The following TEKTIP1 variants were observed in gnomAD, a reference collection of about 807,000 sequenced individuals.
TEKTIP1 encodes tektin bundle interacting protein 1.
At chr19:3,543,453 G>C in the TEKTIP1 span, 4 of 1,543,700 alleles carry the variant, frequency 2.6e-6, no homozygotes, top group South Asian at 1.2e-5. Flanking sequence ...TACCAACACC[G>C]TGAGTGCAGC....
the TEKTIP1 span, chr19:3,543,954 T>C: frequency 3.2e-6 from 5 of 1,550,218 alleles, no homozygotes; most frequent in Non-Finnish European, 4.4e-6. Flanking sequence ...CCTGGAACCA[T>C]ACTGCCCCTC....
At chr19:3,543,602 C>G in the TEKTIP1 span, 4 of 1,544,896 alleles carry the variant, frequency 2.6e-6, no homozygotes, top group South Asian at 3.6e-5. Context: ...CCCCATCGTC[C>G]CTGCCCAGTA....
the TEKTIP1 span, among the ~76,000 whole-genome samples, chr19:3,540,508 G>A: frequency 1.3e-5 from 2 of 150,988 alleles, no homozygotes; most frequent in African/African-American, 2.4e-5. Context: ...TGCCCTCCTT[G>A]GCCTCCCAAA....
chr19:3,543,294 G>C, the TEKTIP1 span: 2 of 1,548,544 alleles, frequency 1.3e-6, no homozygotes, highest in African/African-American at 2.7e-5. Context: ...CAGGCCACAC[G>C]CTGGAAGTAC....
chr19:3,541,473 C>T, the TEKTIP1 span: 2 of 162,442 alleles, frequency 1.2e-5, no homozygotes, highest in Non-Finnish European at 2.6e-5. Flanking sequence ...CAGGCACCCA[C>T]CACCACGCCC....
the TEKTIP1 span, chr19:3,542,359 G>A: frequency 3.1e-5 from 31 of 985,436 alleles, no homozygotes; most frequent in African/African-American, 8.7e-5. Context: ...CAGGGCAGAT[G>A]AGATTGTTTT....
the TEKTIP1 span, chr19:3,543,227 A>ACCCTCAGCGATGACTACCTGTCCC: frequency 1.4e-5 from 22 of 1,541,032 alleles, no homozygotes; most frequent in South Asian, 2.5e-4. Context: ...CCCCCTGCCC[A>ACCCTCAGCGATGACTACCTGTCCC]CCCTCAGCGA....
At chr19:3,541,878 G>A in the TEKTIP1 span, 75 of 840,158 alleles carry the variant, frequency 8.9e-5, no homozygotes, top group African/African-American at 1.2e-3. Context: ...ACGCAATCTC[G>A]GCTCACTGCA....
chr19:3,542,362 A>AT, the TEKTIP1 span: 2 of 985,336 alleles, frequency 2.0e-6, no homozygotes, highest in South Asian at 9.4e-5. Context: ...GGCAGATGAG[A>AT]TTGTTTTGAA....
the TEKTIP1 span, among the ~76,000 whole-genome samples, chr19:3,541,225 A>G: frequency 6.6e-6 from 1 of 150,594 alleles, no homozygotes; most frequent in African/African-American, 2.4e-5. Flanking sequence ...AATGCCAGCT[A>G]CTTGGGAGGC....
At chr19:3,539,334 G>A in the TEKTIP1 span, 1 of 952,064 alleles carries the variant, frequency 1.1e-6, no homozygotes, top group Admixed American at 2.1e-5. Flanking sequence ...GTTACATGGT[G>A]TTTGGTTTGG....
chr19:3,541,953 G>A, the TEKTIP1 span: 3 of 403,192 alleles, frequency 7.4e-6, no homozygotes, highest in Admixed American at 6.4e-5. Context: ...GGGACCACAG[G>A]TGTCCATCAC....
At chr19:3,540,395 T>C in the TEKTIP1 span, among the ~76,000 whole-genome samples, 4 of 151,662 alleles carry the variant, frequency 2.6e-5, no homozygotes, top group Non-Finnish European at 5.9e-5. Flanking sequence ...GTAGCTGGGA[T>C]TACAGGCATG....
chr19:3,543,752 C>T, the TEKTIP1 span: 5 of 1,490,388 alleles, frequency 3.4e-6, no homozygotes, highest in East Asian at 2.5e-5. Context: ...GTGAAACTGC[C>T]CGGGGCGATC....
chr19:3,543,918 AC>A, the TEKTIP1 span: 1 of 1,551,110 alleles, frequency 6.4e-7, no homozygotes, highest in Non-Finnish European at 8.7e-7. Flanking sequence ...CCCGCCCGGC[AC>A]CACCCAGAAC....
chr19:3,542,934 A>C, the TEKTIP1 span: 1 of 1,468,092 alleles, frequency 6.8e-7, no homozygotes. Flanking sequence ...AGGAGTAGCC[A>C]GGGCCCTTGT....
At chr19:3,543,480 G>GCC in the TEKTIP1 span, 110,987 of 1,322,260 alleles carry the variant, frequency 0.084, 1,948 homozygotes, top group African/African-American at 0.15. Context: ...TCGGGTGAGT[G>GCC]CCCCCCCCCC....
chr19:3,541,685 A>G, the TEKTIP1 span: 1 of 985,378 alleles, frequency 1.0e-6, no homozygotes, highest in South Asian at 4.7e-5. Context: ...CAAGTGTGTA[A>G]TAACGGGGGT....
chr19:3,543,140 A>T, the TEKTIP1 span: 1 of 1,512,354 alleles, frequency 6.6e-7, no homozygotes, highest in Non-Finnish European at 8.8e-7. Context: ...GCCGTGGGCC[A>T]GGCCTCTACA....
Sources: allele counts gnomAD v4.1 joint callset (sites outside exome capture counted in the v4.1 genomes callset), GRCh38; gene constraint gnomAD v4.1.1; transcripts MANE v1.5; gene names NCBI Gene and HGNC (gene_info 2026-07-23, HGNC 2026-07-21).